The following KANK1 variants were observed in gnomAD, a reference collection of about 807,000 sequenced individuals.
KANK1 encodes KN motif and ankyrin repeat domain-containing protein 1.
In KANK1, 109 loss-of-function variants were observed where a neutral mutation model predicts 106.2. That is an observed-to-expected ratio of 1.03 (90% confidence interval 0.88 to 1.20). KANK1 has a LOEUF of 1.20. Ranked by LOEUF, KANK1 falls within the 50% of genes most tolerant of loss-of-function variation. The probability of loss-of-function intolerance (pLI) is 0.00; values close to 1 mark genes in which losing one functional copy is unlikely to be tolerated. For synonymous variants in KANK1, 873 were observed against 652.2 expected (o/e 1.34, Z -5.16); for missense variants, 2,399 against 1,710.7 (o/e 1.40, Z -7.10).
chr9:481,682 C>G (rs982048440), intron 3 of KANK1, among the ~76,000 whole-genome samples: 2 of 152,070 alleles, frequency 1.3e-5, no homozygotes, highest in African/African-American at 4.8e-5. Flanking sequence ...ACAGAATAGG[C>G]AAGGCTTGAG....
At chr9:734,634 C>G (rs1223111377) in intron 6 of KANK1, 114 bp from the exon 7 acceptor site, 4 of 681,076 alleles carry the variant, frequency 5.9e-6, no homozygotes, top group African/African-American at 3.6e-5. Context: ...CCACTGCACT[C>G]CAGCCTGGGC....
intron 1 of KANK1, among the ~76,000 whole-genome samples, chr9:537,448 C>T (rs1339406261): frequency 6.6e-6 from 1 of 152,080 alleles, no homozygotes; most frequent in Admixed American, 6.6e-5. Context: ...TTCAACAAGC[C>T]ACAGGTTTGG....
intron 1 of KANK1, among the ~76,000 whole-genome samples, chr9:532,915 A>T (rs2060130361): frequency 6.6e-6 from 1 of 152,162 alleles, no homozygotes; most frequent in Non-Finnish European, 1.5e-5. Context: ...ACACAGCTGC[A>T]GGAGGGAACA....
At chr9:721,636 G>C (rs1447966368) in intron 3 of KANK1, among the ~76,000 whole-genome samples, 2 of 152,160 alleles carry the variant, frequency 1.3e-5, no homozygotes, top group East Asian at 3.8e-4. Flanking sequence ...TTTGGATAAG[G>C]TCATCTGCTG....
chr9:580,162 G>A (rs989766587), intron 1 of KANK1, among the ~76,000 whole-genome samples: 1 of 152,008 alleles, frequency 6.6e-6, no homozygotes, highest in Non-Finnish European at 1.5e-5. Context: ...AGACCTTCGC[G>A]GTGAGTGTAA....
At position 713,436 on chromosome 9, in the gene KANK1, C is replaced by A; in HGVS notation, c.2670C>A (p.Phe890Leu). The A allele has an allele frequency of 6.3e-7, 1 of 1,599,170 alleles. No homozygotes were observed. Among genetic ancestry groups the A allele is most frequent in the African/African-American group, 1.3e-5 (1 of 74,416 alleles). ...ASTEELRNPDFQKTSLGKITG... is the reference protein window; with the variant it reads ...ASTEELRNPDLQKTSLGKITG... Reference sequence around the variant, plus strand: ...CTGAAGAGCTGAGGAACCCTGACTTCCAGAAAACCAGTCTGGGTAAAATCA... The same window carrying A: ...CTGAAGAGCTGAGGAACCCTGACTTACAGAAAACCAGTCTGGGTAAAATCA... The change falls in exon 3 of 12, where the codon TTC becomes TTA. Residue 890 changes from phenylalanine (F) to leucine (L), a missense_variant. Coordinates refer to ENST00000382297, the MANE Select transcript of KANK1 (RefSeq NM_015158.5).
chr9:550,647 T>A (rs2061222999), intron 1 of KANK1, among the ~76,000 whole-genome samples: 1 of 152,194 alleles, frequency 6.6e-6, no homozygotes, highest in African/African-American at 2.4e-5. Context: ...GAAAGTGATT[T>A]GTTCTTCTTT....
At chr9:514,183 T>TCTCCCTCCCTTCCTCC (rs1563697049) in intron 1 of KANK1, among the ~76,000 whole-genome samples, 3 of 27,756 alleles carry the variant, frequency 1.1e-4, no homozygotes, top group Non-Finnish European at 1.6e-4. Flanking sequence ...TCCCTTCCTC[T>TCTCCCTCCCTTCCTCC]CTCCCTCCCT....
intron 1 of KANK1, among the ~76,000 whole-genome samples, chr9:633,864 C>T (rs1239382108): frequency 6.6e-6 from 1 of 152,148 alleles, no homozygotes; most frequent in Non-Finnish European, 1.5e-5. Flanking sequence ...GTTGCCCAGG[C>T]TGGGCCCAAC....
intron 3 of KANK1, among the ~76,000 whole-genome samples, chr9:728,564 T>A (rs35454342): frequency 0.076 from 11,578 of 152,282 alleles, 1,106 homozygotes; most frequent in African/African-American, 0.21. Flanking sequence ...CATTATGTAG[T>A]GAATCCCCTT....
chr9:556,560 C>G (rs1298670752), intron 1 of KANK1, among the ~76,000 whole-genome samples: 1 of 152,126 alleles, frequency 6.6e-6, no homozygotes, highest in African/African-American at 2.4e-5. Context: ...TGCGGTTTTG[C>G]TTTTTAGTAA....
intron 1 of KANK1, among the ~76,000 whole-genome samples, chr9:629,098 C>A (rs1001773215): frequency 7.1e-6 from 1 of 140,432 alleles, no homozygotes; most frequent in Non-Finnish European, 1.6e-5. Flanking sequence ...AAAAAAATCC[C>A]ATCTTGCATG....
intron 3 of KANK1, among the ~76,000 whole-genome samples, chr9:481,843 C>G (rs1383443698): frequency 7.1e-6 from 1 of 141,828 alleles, no homozygotes; most frequent in East Asian, 2.6e-4. Flanking sequence ...GACCCTGTCT[C>G]TAAAAAAAAA....
intron 1 of KANK1, among the ~76,000 whole-genome samples, chr9:564,887 C>G (rs879905835): frequency 1.3e-5 from 2 of 152,216 alleles, no homozygotes; most frequent in African/African-American, 2.4e-5. Flanking sequence ...GGGAAGCCCA[C>G]TCTGGTCCAC....
chr9:565,068 T>G (rs1201272448), intron 1 of KANK1, among the ~76,000 whole-genome samples: 1 of 152,198 alleles, frequency 6.6e-6, no homozygotes, highest in Non-Finnish European at 1.5e-5. Flanking sequence ...GAGACCAAAG[T>G]GTGACTTTAG....
At chr9:560,598 C>T (rs570415063) in intron 1 of KANK1, among the ~76,000 whole-genome samples, 4 of 152,092 alleles carry the variant, frequency 2.6e-5, no homozygotes, top group African/African-American at 7.2e-5. Flanking sequence ...TTTTAACATG[C>T]CCATGTTTGT....
intron 1 of KANK1, among the ~76,000 whole-genome samples, chr9:559,280 A>G (rs556095098): frequency 6.6e-6 from 1 of 152,252 alleles, no homozygotes; most frequent in African/African-American, 2.4e-5. Flanking sequence ...GAGATCATCC[A>G]TTTAATATTT....
intron 2 of KANK1, among the ~76,000 whole-genome samples, chr9:683,903 G>T (rs1335705682): frequency 1.3e-5 from 2 of 152,148 alleles, no homozygotes; most frequent in Admixed American, 1.3e-4. Flanking sequence ...GAAATTTATA[G>T]ATGAAATAAT....
At chr9:625,600 A>T (rs1057117842) in intron 1 of KANK1, among the ~76,000 whole-genome samples, 1 of 152,140 alleles carries the variant, frequency 6.6e-6, no homozygotes, top group Non-Finnish European at 1.5e-5. Flanking sequence ...AAAAAACAAC[A>T]TTGAGATCAC....
Sources: allele counts gnomAD v4.1 joint callset (sites outside exome capture counted in the v4.1 genomes callset), GRCh38; gene constraint gnomAD v4.1.1; transcripts MANE v1.5; gene names NCBI Gene and HGNC (gene_info 2026-07-23, HGNC 2026-07-21).